The following RBFOX1 variants were observed in gnomAD, a reference collection of about 807,000 sequenced individuals.
RBFOX1 encodes RNA binding fox-1 homolog 1.
A neutral mutation model predicts 57.7 loss-of-function variants in RBFOX1; 8 were observed. The observed-to-expected ratio is 0.14, with a 90% confidence interval of 0.08 to 0.25. The LOEUF is 0.25. Ranked by LOEUF, RBFOX1 falls within the 10% of genes least tolerant of loss-of-function variation. The probability of loss-of-function intolerance (pLI) is 1.00; values close to 1 mark genes in which losing one functional copy is unlikely to be tolerated. For synonymous variants in RBFOX1, 326 were observed against 222.4 expected, an observed-to-expected ratio of 1.47 and a Z score of -4.15; for missense variants, 611 against 548.5, an observed-to-expected ratio of 1.11 and a Z score of -1.14.
chr16:7,368,270 A>C (rs1303326660), intron 4 of RBFOX1, among the ~76,000 whole-genome samples: 1 of 151,826 alleles, frequency 6.6e-6, no homozygotes, highest in Non-Finnish European at 1.5e-5. Context: ...GTCTCGAAAA[A>C]AAAAAAAAAG....
chr16:7,201,684 G>A (rs2088537669), intron 4 of RBFOX1, among the ~76,000 whole-genome samples: 1 of 152,010 alleles, frequency 6.6e-6, no homozygotes, highest in Admixed American at 6.6e-5. Flanking sequence ...GGCTGGTCTT[G>A]AATCCAGACC....
At chr16:7,524,990 A>G (rs1259374459) in intron 5 of RBFOX1, among the ~76,000 whole-genome samples, 1 of 152,206 alleles carries the variant, frequency 6.6e-6, no homozygotes, top group East Asian at 1.9e-4. Context: ...AATGAAAACT[A>G]ACATGTCCTA....
intron 4 of RBFOX1, among the ~76,000 whole-genome samples, chr16:7,308,090 T>A (rs923036191): frequency 5.9e-5 from 9 of 152,182 alleles, no homozygotes; most frequent in African/African-American, 2.2e-4. Flanking sequence ...TTTGTTTTCC[T>A]GATAGAGAAG....
intron 3 of RBFOX1, among the ~76,000 whole-genome samples, chr16:6,742,669 A>T (rs2072548533): frequency 6.6e-6 from 1 of 152,210 alleles, no homozygotes; most frequent in South Asian, 2.1e-4. Context: ...TGAATGAACT[A>T]TCGATATACA....
At chr16:6,799,839 C>T (rs1217737767) in intron 3 of RBFOX1, among the ~76,000 whole-genome samples, 2 of 152,108 alleles carry the variant, frequency 1.3e-5, no homozygotes, top group African/African-American at 2.4e-5. Context: ...CTGAAGGCTG[C>T]GCTGTCAGCT....
intron 4 of RBFOX1, among the ~76,000 whole-genome samples, chr16:7,467,555 T>C (rs527406023): frequency 4.1e-4 from 62 of 152,278 alleles, no homozygotes; most frequent in Non-Finnish European, 8.5e-4. Context: ...TAAACGTGGG[T>C]TCAAATCCCA....
chr16:6,257,183 C>T (rs569088054), intron 1 of RBFOX1, among the ~76,000 whole-genome samples: 30 of 152,170 alleles, frequency 2.0e-4, no homozygotes, highest in Non-Finnish European at 4.1e-4. Flanking sequence ...ACATGTGCCA[C>T]AGTGGTTTGC....
chr16:6,659,174 G>T (rs1272983440), intron 3 of RBFOX1, among the ~76,000 whole-genome samples: 1 of 152,054 alleles, frequency 6.6e-6, no homozygotes, highest in African/African-American at 2.4e-5. Flanking sequence ...CTGAGATTCA[G>T]GTGATGAGAG....
At chr16:6,237,683 G>A (rs888612463) in intron 1 of RBFOX1, among the ~76,000 whole-genome samples, 1 of 151,930 alleles carries the variant, frequency 6.6e-6, no homozygotes, top group Non-Finnish European at 1.5e-5. Context: ...GGAGGTTACA[G>A]TGAGCCACGA....
chr16:7,673,176 T>G (rs1432487004), intron 13 of RBFOX1, among the ~76,000 whole-genome samples: 1 of 152,120 alleles, frequency 6.6e-6, no homozygotes, highest in African/African-American at 2.4e-5. Flanking sequence ...CCTCCCCTAT[T>G]TCACTGTTTG....
At chr16:6,311,669 T>A (rs141583149) in intron 1 of RBFOX1, among the ~76,000 whole-genome samples, 1 of 152,236 alleles carries the variant, frequency 6.6e-6, no homozygotes, top group East Asian at 1.9e-4. Flanking sequence ...CAGGAAGGCA[T>A]GAATCTTTCG....
chr16:5,551,276 T>C (rs2045453233), intron 2 of RBFOX1, among the ~76,000 whole-genome samples: 1 of 152,188 alleles, frequency 6.6e-6, no homozygotes, highest in Non-Finnish European at 1.5e-5. Context: ...GTACTATAGT[T>C]ACTTACTTAT....
rs74645437 is a variant in RBFOX1, at chr16:6,348,854, C to T, written c.-64+31797C>T. On this transcript the variant is annotated intron_variant, in intron 2 of 15. Coordinates refer to ENST00000550418, the MANE Select transcript of RBFOX1 (RefSeq NM_018723.4). Reference sequence around the variant, plus strand: ...ATTACAACTGAACGTGAGATTTGGACGGAGACACAGATCCAAACCATATCA... The same window carrying T: ...ATTACAACTGAACGTGAGATTTGGATGGAGACACAGATCCAAACCATATCA... Among the ~76,000 whole-genome samples the T allele has an allele frequency of 5.1e-3, 777 of 152,208 alleles. 7 individuals carry two copies. Among genetic ancestry groups the T allele is most frequent in the Middle Eastern group, 0.017 (5 of 294 alleles).
rs146032598 is a variant in RBFOX1 at position 6,967,860 on chromosome 16, G to C, written c.-15-84197G>C. ...GAAGCAACCAGACATACTTCCTGAA[G>C]AATTGGGTTGTCAGTCTGAAAAAAG... On this transcript the variant is annotated intron_variant, in intron 3 of 15. Transcript: ENST00000550418. Among the ~76,000 whole-genome samples the C allele has an allele frequency of 6.7e-4, 102 of 152,264 alleles. 2 individuals are homozygous for C. In the East Asian group the frequency reaches 0.017, roughly 25 times the overall value.
chr16:5,438,705 C>G (rs518484), intron 1 of RBFOX1, among the ~76,000 whole-genome samples: 7,664 of 152,152 alleles, frequency 0.05, 267 homozygotes, highest in African/African-American at 0.096. Flanking sequence ...GGAGCACACC[C>G]CTTCCTCCCT....
intron 2 of RBFOX1, among the ~76,000 whole-genome samples, chr16:6,473,812 A>G (rs1024544311): frequency 4.6e-5 from 7 of 152,136 alleles, no homozygotes; most frequent in Non-Finnish European, 1.0e-4. Flanking sequence ...GGCTAAGTAG[A>G]AAGGGGTGTT....
At chr16:7,254,804 A>G (rs1384803822) in intron 4 of RBFOX1, among the ~76,000 whole-genome samples, 2 of 152,150 alleles carry the variant, frequency 1.3e-5, no homozygotes, top group Admixed American at 1.3e-4. Context: ...TGTATTTCAT[A>G]CAATGATGAA....
At chr16:7,424,898 T>G (rs1203673859) in intron 4 of RBFOX1, among the ~76,000 whole-genome samples, 2 of 152,134 alleles carry the variant, frequency 1.3e-5, no homozygotes, top group Non-Finnish European at 2.9e-5. Context: ...AGGTAAAATT[T>G]GGAGCAGAAT....
chr16:7,640,212 G>T (rs1342311245), intron 11 of RBFOX1, among the ~76,000 whole-genome samples: 1 of 152,136 alleles, frequency 6.6e-6, no homozygotes, highest in East Asian at 1.9e-4. Context: ...CCACTTTGTT[G>T]TTTGTCCTTT....
Sources: gnomAD v4.1 joint callset for allele counts (sites outside exome capture counted in the v4.1 genomes callset) on GRCh38, gnomAD v4.1.1 for gene constraint, MANE v1.5 for transcripts, NCBI Gene and HGNC (gene_info 2026-07-23, HGNC 2026-07-21) for gene names.